Variants in ARNT observed in about 807,000 individuals in gnomAD.
ARNT encodes class E basic helix-loop-helix protein 2.
In ARNT, 30 loss-of-function variants were observed where a neutral mutation model predicts 105.0. The ratio of observed to expected loss-of-function variants is 0.29; its 90% CI spans 0.21 to 0.39. The LOEUF (loss-of-function observed/expected upper bound fraction) is 0.39, where lower values mean the gene tolerates loss of function less well. Among genes scored for constraint, ARNT ranks in the 10% least tolerant of loss-of-function variants. The probability of loss-of-function intolerance (pLI) is 1.00; values close to 1 mark genes in which losing one functional copy is unlikely to be tolerated. For missense variants in ARNT, 748 were observed against 978.7 expected (o/e 0.76, Z 3.15); for synonymous variants, 304 against 344.0 (o/e 0.88, Z 1.29).
chr1:150,834,598 C>T lies in ARNT; in HGVS notation c.743G>A (p.Gly248Asp), dbSNP rs1190514244. 3 of 1,614,060 alleles carry T rather than the reference C, an allele frequency of 1.9e-6. No homozygotes were observed. Among genetic ancestry groups the T allele is most frequent in the Non-Finnish European group, 2.5e-6 (3 of 1,179,984 alleles). The change falls in exon 8 of 22, where the codon GGT becomes GAT. Residue 248 changes from glycine to aspartate, a missense_variant. Physicochemically the swap from Gly to Asp is moderately conservative, Grantham distance 94. Transcript: ENST00000358595. ...DLKTGTVKKE[G>D]QQSSMRMCMG... is the part of the protein sequence containing the mutation. ...ACACATTCTCATGGAAGACTGCTGACCTTCCTTTTTCACTGTTCCAGTCTT... is the reference window on the plus strand; with the variant it reads ...ACACATTCTCATGGAAGACTGCTGATCTTCCTTTTTCACTGTTCCAGTCTT...
At chr1:150,871,288 G>A (rs974550859) in intron 1 of ARNT, among the ~76,000 whole-genome samples, 5 of 143,840 alleles carry the variant, frequency 3.5e-5, no homozygotes, top group Non-Finnish European at 7.5e-5. Flanking sequence ...ATATTAGGCA[G>A]TCGTGGTTTT....
rs587697329 is a variant in ARNT at position 150,847,425 on chromosome 1, CAAAAAA to C, written c.183-1124_183-1119del. Among the ~76,000 whole-genome samples, 5 of 91,716 alleles carry C rather than the reference CAAAAAA, an allele frequency of 5.5e-5. No individual in the cohort carries two copies. The South Asian group carries it at 1.7e-3, about 31-fold the overall frequency. 60.2% of individuals were successfully genotyped at this position (91,716 alleles called of 152,430 possible). On this transcript the variant is annotated intron_variant, in intron 3 of 21. Transcript: ENST00000358595. ...GTGGCAACAGAGCGAGACTCCGTCT[CAAAAAA>C]AAAAAAAAAAAAAAAGAAGGGGGAA...
rs1667946771 is a variant in ARNT, at chr1:150,874,435, C to T, written c.25+2108G>A. On this transcript the variant is annotated intron_variant, in intron 1 of 21. Transcript: ENST00000358595. The stretch of plus-strand genomic sequence containing the variant: ...GGTCAAAGTGTCTCACATCTGTATT[C>T]CCAACTTGGAGAGACTGAGGCAAGG... 1.3e-5 allele frequency among the ~76,000 whole-genome samples: 2 copies of T among 152,274 alleles called. 1 individual carries two copies. Among genetic ancestry groups the T allele is most frequent in the Middle Eastern group, 6.8e-3 (2 of 294 alleles).
At chr1:150,874,543 G>A (rs757425930) in intron 1 of ARNT, among the ~76,000 whole-genome samples, 6 of 151,972 alleles carry the variant, frequency 3.9e-5, no homozygotes, top group Admixed American at 1.3e-4. Context: ...AAAATTAACC[G>A]CGCATGGTGG....
chr1:150,866,324 GA>G (rs1666588414), intron 1 of ARNT, among the ~76,000 whole-genome samples: 2 of 152,046 alleles, frequency 1.3e-5, no homozygotes, highest in Non-Finnish European at 2.9e-5. Flanking sequence ...TGACTACTGA[GA>G]AAAAAGACCA....
At chr1:150,846,904 A>G (rs1662319801) in intron 3 of ARNT, among the ~76,000 whole-genome samples, 5 of 152,204 alleles carry the variant, frequency 3.3e-5, no homozygotes, top group Admixed American at 3.3e-4. Flanking sequence ...TTCTTTCAGT[A>G]TAATGTCCTT....
intron 2 of ARNT, among the ~76,000 whole-genome samples, chr1:150,857,523 C>T (rs773265076): frequency 6.6e-6 from 1 of 152,152 alleles, no homozygotes; most frequent in Non-Finnish European, 1.5e-5. Flanking sequence ...AAGCATCACT[C>T]TTCCATTACT....
At chr1:150,861,963 C>G (rs1301585037) in intron 1 of ARNT, among the ~76,000 whole-genome samples, 1 of 152,074 alleles carries the variant, frequency 6.6e-6, no homozygotes, top group Non-Finnish European at 1.5e-5. Flanking sequence ...GTAGTCTAGG[C>G]TAAGAATAGG....
In ARNT at chr1:150,823,204, T is replaced by C. The variant is rs145545051; in HGVS notation, c.1384A>G (p.Thr462Ala). ...DEIEYIICTNTNVKNSSQEPR... is the reference protein window; with the variant it reads ...DEIEYIICTNANVKNSSQEPR... ...CTGTATAATACATACTTCACATTGG[T>C]GTTGGTACAGATGATGTACTCAATT... Residue 462 changes from threonine (T) to alanine (A), a missense_variant, in exon 14 of 22, where the codon ACC becomes GCC. Coordinates refer to ENST00000358595, the MANE Select transcript of ARNT (RefSeq NM_001668.4). The C allele has an allele frequency of 1.2e-6, 2 of 1,609,122 alleles. No individual in the cohort carries two copies. Among genetic ancestry groups the C allele is most frequent in the African/African-American group, 2.7e-5 (2 of 74,794 alleles).
intron 1 of ARNT, among the ~76,000 whole-genome samples, chr1:150,874,625 C>A (rs992646225): frequency 6.6e-6 from 1 of 152,084 alleles, no homozygotes; most frequent in South Asian, 2.1e-4. Flanking sequence ...GAGGTGGAGG[C>A]TGCCGTGAGC....
Position 150,832,319 on chromosome 1 carries a change from C to T in ARNT, c.869+15G>A. ...ATTTGGCCATCCCTTTGGTTTTCAC[C>T]ACTTAGGATCTCACCTGCATCTGTT... is the stretch of plus-strand genomic sequence containing the variant. On this transcript the variant is annotated intron_variant, in intron 9 of 21. Coordinates refer to ENST00000358595, the MANE Select transcript of ARNT (RefSeq NM_001668.4). 6.2e-7 allele frequency: 1 copy of T among 1,614,024 alleles called. No homozygotes were observed. The highest frequency in any genetic ancestry group is 8.5e-7 in the Non-Finnish European group (1 of 1,179,954).
chr1:150,862,392 G>C (rs1250842554), intron 1 of ARNT, among the ~76,000 whole-genome samples: 1 of 151,962 alleles, frequency 6.6e-6, no homozygotes, highest in Non-Finnish European at 1.5e-5. Flanking sequence ...ACCTCCAACA[G>C]CACTGTGTTT....
chr1:150,862,477 C>T (rs2102354680), intron 1 of ARNT, among the ~76,000 whole-genome samples: 1 of 151,974 alleles, frequency 6.6e-6, no homozygotes, highest in South Asian at 2.1e-4. Flanking sequence ...TACATTAAGG[C>T]TGAGTATATT....
At chr1:150,864,897 A>AG (rs1404491752) in intron 1 of ARNT, among the ~76,000 whole-genome samples, 22 of 148,946 alleles carry the variant, frequency 1.5e-4, no homozygotes, top group Admixed American at 1.1e-3. Context: ...AAAAAAAAAA[A>AG]AAAGAAAGAA....
At chr1:150,829,841 G>GA in intron 11 of ARNT, 63 bp downstream of exon 11, 1 of 1,522,684 alleles carries the variant, frequency 6.6e-7, no homozygotes, top group African/African-American at 1.4e-5. Context: ...AAATTAACAG[G>GA]AATGAGTCCT....
chr1:150,819,334 A>G (rs904963638), intron 14 of ARNT, among the ~76,000 whole-genome samples: 35 of 152,188 alleles, frequency 2.3e-4, no homozygotes, highest in African/African-American at 8.0e-4. Flanking sequence ...CAGTTCCTCA[A>G]AAGGTAAAAC....
chr1:150,818,013 G>A lies in ARNT; in HGVS notation c.1412C>T (p.Pro471Leu), dbSNP rs749270912. 4 of 1,612,300 alleles carry A rather than the reference G, an allele frequency of 2.5e-6. No individual in the cohort carries two copies. Among genetic ancestry groups the A allele is most frequent in the Non-Finnish European group, 3.4e-6 (4 of 1,179,428 alleles). Residue 471 changes from proline (P) to leucine (L), a missense_variant, in exon 15 of 22, where the codon CCA becomes CTA. Transcript: ENST00000358595. Reference sequence around the variant, plus strand: ...GATTGTGTTGGAGAGTGTAGGCCGTGGTTCTTGGCTAGAGTTCCTAGGAAA... The same window carrying A: ...GATTGTGTTGGAGAGTGTAGGCCGTAGTTCTTGGCTAGAGTTCCTAGGAAA... ...NTNVKNSSQEPRPTLSNTIQR... is the reference protein window; with the variant it reads ...NTNVKNSSQELRPTLSNTIQR...
Position 150,816,250 on chromosome 1 carries a change from A to T in ARNT, c.1950+9T>A, listed in dbSNP as rs1275860454. 1.3e-6 allele frequency: 2 copies of T among 1,596,612 alleles called. No homozygotes were observed. The highest frequency in any genetic ancestry group is 1.7e-6 in the Non-Finnish European group (2 of 1,175,044). On this transcript the variant is annotated intron_variant, in intron 19 of 21. Transcript: ENST00000358595. Reference sequence around the variant, plus strand: ...AATACACAGGGAACACACAGATGATAAGTTTTACCTGGGCAGAAAAGCCTG... The same window carrying T: ...AATACACAGGGAACACACAGATGATTAGTTTTACCTGGGCAGAAAAGCCTG...
Position 150,860,433 on chromosome 1 carries a change from C to CT in ARNT, c.26-1974dup, listed in dbSNP as rs587775602. On this transcript the variant is annotated intron_variant, in intron 1 of 21. Coordinates refer to ENST00000358595, the MANE Select transcript of ARNT (RefSeq NM_001668.4). ...GTTTCACCATGTTGGCCAGGCTGGT[C>CT]TTTAACTCCTGACCTCAAGTGATCC... Among the ~76,000 whole-genome samples, 854 of 151,296 alleles carry CT rather than the reference C, an allele frequency of 5.6e-3. 5 individuals carry two copies. Among genetic ancestry groups the CT allele is most frequent in the Admixed American group, 7.6e-3 (116 of 15,196 alleles).
Sources: gnomAD v4.1 joint callset for allele counts (sites outside exome capture counted in the v4.1 genomes callset) on GRCh38, gnomAD v4.1.1 for gene constraint, MANE v1.5 for transcripts, NCBI Gene and HGNC (gene_info 2026-07-23, HGNC 2026-07-21) for gene names.